The following PCDH15 variants were observed in gnomAD, a reference collection of about 807,000 sequenced individuals.
PCDH15 encodes protocadherin related 15, also known as protocadherin-15.
In PCDH15, 129 loss-of-function variants were observed where a neutral mutation model predicts 178.5. The ratio of observed to expected loss-of-function variants is 0.72; its 90% CI spans 0.63 to 0.84. The LOEUF (loss-of-function observed/expected upper bound fraction) is 0.84. Among genes scored for constraint, PCDH15 ranks in the 40% least tolerant of loss-of-function variants. The pLI is 0.00. For synonymous variants in PCDH15, 800 were observed against 732.0 expected, an observed-to-expected ratio of 1.09 and a Z score of -1.50; for missense variants, 2,230 against 2,099.9, an observed-to-expected ratio of 1.06 and a Z score of -1.21.
At chr10:54,511,503 T>C (rs2081654505) in intron 3 of PCDH15, among the ~76,000 whole-genome samples, 1 of 152,160 alleles carries the variant, frequency 6.6e-6, no homozygotes, top group Non-Finnish European at 1.5e-5. Flanking sequence ...TAGAGTTTAT[T>C]TTTTACAGAA....
In PCDH15 at chr10:54,472,837, G is replaced by A. The variant is rs548362392; in HGVS notation, c.157+54975C>T. Among the ~76,000 whole-genome samples, 40 of 152,184 alleles carry A rather than the reference G, an allele frequency of 2.6e-4. 1 individual carries two copies. Among genetic ancestry groups the A allele is most frequent in the African/African-American group, 9.1e-4 (38 of 41,544 alleles). ...AGAGTTGCACATAGGTAGAGGCATG[G>A]GAAGAGAGGAATGACCAGATGGTAA... is the stretch of plus-strand genomic sequence containing the variant. On this transcript the variant is annotated intron_variant, in intron 3 of 37. Transcript: ENST00000644397.
intron 2 of PCDH15, among the ~76,000 whole-genome samples, chr10:55,140,812 G>C (rs1338382048): frequency 6.6e-6 from 1 of 151,930 alleles, no homozygotes; most frequent in Non-Finnish European, 1.5e-5. Flanking sequence ...TTTTATGTAA[G>C]TTGTGGTGGT....
intron 13 of PCDH15, among the ~76,000 whole-genome samples, chr10:54,177,051 T>C (rs2047511401): frequency 1.3e-5 from 2 of 152,042 alleles, no homozygotes. Flanking sequence ...GAAGAATGAA[T>C]AAATAAACTG....
chr10:54,385,669 T>A (rs2135202728), intron 3 of PCDH15, among the ~76,000 whole-genome samples: 1 of 152,340 alleles, frequency 6.6e-6, no homozygotes, highest in Admixed American at 6.5e-5. Flanking sequence ...CAAATTTAAT[T>A]TAAAGTACTC....
intron 2 of PCDH15, among the ~76,000 whole-genome samples, chr10:55,423,857 T>A (rs2132048661): frequency 6.6e-6 from 1 of 152,262 alleles, no homozygotes; most frequent in Non-Finnish European, 1.5e-5. Flanking sequence ...AAAATTATCT[T>A]CATTTTTAAA....
At chr10:55,398,749 C>A (rs145237840) in intron 2 of PCDH15, among the ~76,000 whole-genome samples, 1 of 152,222 alleles carries the variant, frequency 6.6e-6, no homozygotes, top group East Asian at 1.9e-4. Context: ...CTAAACTATA[C>A]CCTCGCCAAG....
At chr10:54,536,856 C>A (rs1363574884) in intron 2 of PCDH15, among the ~76,000 whole-genome samples, 2 of 152,226 alleles carry the variant, frequency 1.3e-5, no homozygotes, top group East Asian at 1.9e-4. Flanking sequence ...GCATAGAATT[C>A]TATGGTGCAT....
intron 32 of PCDH15, among the ~76,000 whole-genome samples, chr10:53,826,659 C>A (rs2076700120): frequency 6.6e-6 from 1 of 152,030 alleles, no homozygotes; most frequent in Non-Finnish European, 1.5e-5. Context: ...ATGAGGGTAG[C>A]ATCATTATAC....
intron 15 of PCDH15, among the ~76,000 whole-genome samples, chr10:54,129,774 A>C (rs1340080111): frequency 6.6e-6 from 1 of 152,184 alleles, no homozygotes; most frequent in Non-Finnish European, 1.5e-5. Flanking sequence ...CCCTTTGTAT[A>C]CAAAAGGTTG....
chr10:55,166,831 T>C (rs564388887), intron 1 of PCDH15, among the ~76,000 whole-genome samples: 3 of 152,166 alleles, frequency 2.0e-5, no homozygotes, highest in Non-Finnish European at 4.4e-5. Context: ...ATCTTAAATA[T>C]AAGTTTGGAA....
intron 14 of PCDH15, among the ~76,000 whole-genome samples, chr10:54,136,230 G>T (rs1311314835): frequency 6.6e-6 from 1 of 152,052 alleles, no homozygotes; most frequent in Non-Finnish European, 1.5e-5. Context: ...AATTTCCAAA[G>T]TTCTACTTAT....
intron 2 of PCDH15, among the ~76,000 whole-genome samples, chr10:55,088,499 C>T (rs1173862280): frequency 6.6e-6 from 1 of 151,912 alleles, no homozygotes; most frequent in African/African-American, 2.4e-5. Flanking sequence ...GTCTTGAATT[C>T]CTGACCCTAA....
At chr10:55,324,036 C>T (rs2132302667), upstream of PCDH15, among the ~76,000 whole-genome samples, 1 of 152,174 alleles carries the variant, frequency 6.6e-6, no homozygotes, top group African/African-American at 2.4e-5. Flanking sequence ...GAAGCTTTTT[C>T]AAATGGGAGT....
intron 3 of PCDH15, among the ~76,000 whole-genome samples, chr10:54,526,950 A>T (rs762332416): frequency 6.6e-6 from 1 of 152,170 alleles, no homozygotes; most frequent in African/African-American, 2.4e-5. Context: ...TAATAAGGCA[A>T]CTGACAATTA....
At chr10:55,494,029 C>A (rs1840479782) in intron 2 of PCDH15, among the ~76,000 whole-genome samples, 1 of 151,800 alleles carries the variant, frequency 6.6e-6, no homozygotes, top group Non-Finnish European at 1.5e-5. Flanking sequence ...GTTTTATGGT[C>A]TAACACATAG....
intron 25 of PCDH15, among the ~76,000 whole-genome samples, chr10:53,919,884 T>C (rs2083858176): frequency 6.6e-6 from 1 of 152,170 alleles, no homozygotes; most frequent in Non-Finnish European, 1.5e-5. Context: ...TCTAAGTTTT[T>C]ATAAATACCC....
chr10:54,477,462 C>T (rs1268639405), intron 3 of PCDH15, among the ~76,000 whole-genome samples: 2 of 152,146 alleles, frequency 1.3e-5, no homozygotes, highest in Non-Finnish European at 2.9e-5. Context: ...TACGCATCTG[C>T]GTCCATCACC....
At chr10:54,443,883 A>T (rs909629942) in intron 3 of PCDH15, among the ~76,000 whole-genome samples, 69 of 151,782 alleles carry the variant, frequency 4.5e-4, no homozygotes, top group African/African-American at 1.6e-3. Context: ...GCTCTAAGCT[A>T]TGCTAAACTT....
At chr10:54,632,532 G>A (rs922846621) in intron 2 of PCDH15, among the ~76,000 whole-genome samples, 7 of 152,008 alleles carry the variant, frequency 4.6e-5, no homozygotes, top group Non-Finnish European at 1.0e-4. Flanking sequence ...GGGATACTCT[G>A]TATTACCTTG....
Sources: allele counts gnomAD v4.1 joint callset (sites outside exome capture counted in the v4.1 genomes callset), GRCh38; gene constraint gnomAD v4.1.1; transcripts MANE v1.5; gene names NCBI Gene and HGNC (gene_info 2026-07-23, HGNC 2026-07-21).